The following C1QTNF3 variants were observed in gnomAD, a reference collection of about 807,000 sequenced individuals.
The protein encoded by C1QTNF3 is complement C1q tumor necrosis factor-related protein 3.
In C1QTNF3, 26 loss-of-function variants were observed where a neutral mutation model predicts 32.6. The ratio of observed to expected loss-of-function variants is 0.80; its 90% CI spans 0.58 to 1.11. The LOEUF (loss-of-function observed/expected upper bound fraction) is 1.11. C1QTNF3 is among the 50% of genes least tolerant of loss of function. The probability of loss-of-function intolerance (pLI) is 0.00; values close to 1 mark genes in which losing one functional copy is unlikely to be tolerated. For synonymous variants in C1QTNF3, 155 were observed against 146.0 expected (o/e 1.06, Z -0.44); for missense variants, 362 against 398.2 (o/e 0.91, Z 0.77).
chr5:34,081,019 C>A, the C1QTNF3 span, among the ~76,000 whole-genome samples: 1 of 151,672 alleles, frequency 6.6e-6, no homozygotes, highest in Non-Finnish European at 1.5e-5. Flanking sequence ...AGCACAGTTT[C>A]CCTGGGGTCA....
the C1QTNF3 span, among the ~76,000 whole-genome samples, chr5:34,231,240 T>C: frequency 5.9e-5 from 9 of 152,376 alleles, no homozygotes; most frequent in South Asian, 1.9e-3. Context: ...GTTCAGGTCA[T>C]CTTTTGTAAA....
At chr5:34,193,566 T>G in the C1QTNF3 span, 257 of 686,676 alleles carry the variant, frequency 3.7e-4, 1 homozygote, top group African/African-American at 2.8e-3. Context: ...GAATGTTTTG[T>G]GTTCGAAATT....
chr5:34,207,790 G>GTTT, the C1QTNF3 span, among the ~76,000 whole-genome samples: 4 of 142,320 alleles, frequency 2.8e-5, no homozygotes. Flanking sequence ...GCTTGAGAAA[G>GTTT]TTTTTTTTTT....
chr5:34,172,132 T>C, the C1QTNF3 span, among the ~76,000 whole-genome samples: 1 of 152,222 alleles, frequency 6.6e-6, no homozygotes, highest in African/African-American at 2.4e-5. Context: ...GAGGATACAT[T>C]CCAAGACCCC....
intron 1 of C1QTNF3, among the ~76,000 whole-genome samples, chr5:34,040,930 CTTTAT>C (rs1754856455): frequency 6.6e-6 from 1 of 152,106 alleles, no homozygotes; most frequent in African/African-American, 2.4e-5. Context: ...CATGTACTGA[CTTTAT>C]TTAACACATG....
Position 34,035,715 on chromosome 5 carries a change from C to CA in C1QTNF3, c.346dup (p.Cys116LeufsTer38). Reference sequence around the variant, plus strand: ...GCCTCGAAAGCTGTAGTCTCCATGACAACACTTACTGCAGTCTGGGGGTAG... The same window carrying CA: ...GCCTCGAAAGCTGTAGTCTCCATGACAAACACTTACTGCAGTCTGGGGGTAG... On this transcript the variant is annotated frameshift_variant, in exon 2 of 6. Coordinates refer to ENST00000382065, the MANE Select transcript of C1QTNF3 (RefSeq NM_181435.6). LOFTEE classifies it high-confidence loss of function. 6.2e-7 allele frequency: 1 copy of CA among 1,612,512 alleles called. No homozygotes were observed. Among genetic ancestry groups the CA allele is most frequent in the Non-Finnish European group, 8.5e-7 (1 of 1,179,610 alleles).
At chr5:34,076,297 A>G in the C1QTNF3 span, among the ~76,000 whole-genome samples, 2 of 151,690 alleles carry the variant, frequency 1.3e-5, no homozygotes, top group Admixed American at 6.6e-5. Flanking sequence ...TTTTACCACA[A>G]TTAATTTTTT....
chr5:34,039,699 A>C (rs1380007176), intron 1 of C1QTNF3, among the ~76,000 whole-genome samples: 5 of 152,228 alleles, frequency 3.3e-5, no homozygotes, highest in African/African-American at 1.2e-4. Flanking sequence ...CAGAGGATGA[A>C]ACAAGAGAAG....
At chr5:34,243,407 T>C in the C1QTNF3 span, among the ~76,000 whole-genome samples, 1 of 152,162 alleles carries the variant, frequency 6.6e-6, no homozygotes, top group African/African-American at 2.4e-5. Flanking sequence ...ATTTTGGAGA[T>C]TTCTCTAAGA....
chr5:34,213,701 T>G, the C1QTNF3 span, among the ~76,000 whole-genome samples: 1 of 143,692 alleles, frequency 7.0e-6, no homozygotes, highest in Non-Finnish European at 1.5e-5. Context: ...TGTGTATATA[T>G]ATATGTGTAT....
the C1QTNF3 span, among the ~76,000 whole-genome samples, chr5:34,115,665 A>G: frequency 6.6e-6 from 1 of 151,666 alleles, no homozygotes; most frequent in Non-Finnish European, 1.5e-5. Context: ...CGGGAGGCGA[A>G]GCTTGCAGTG....
the C1QTNF3 span, among the ~76,000 whole-genome samples, chr5:34,143,948 A>C: frequency 1.3e-5 from 2 of 152,188 alleles, no homozygotes; most frequent in African/African-American, 4.8e-5. Context: ...CCTTGAGTTT[A>C]AATGGATTAA....
At chr5:34,104,565 C>T in the C1QTNF3 span, among the ~76,000 whole-genome samples, 1 of 70,402 alleles carries the variant, frequency 1.4e-5, no homozygotes, top group Non-Finnish European at 2.8e-5. Context: ...GATGGAGTTT[C>T]GCTCTTGTTG....
the C1QTNF3 span, among the ~76,000 whole-genome samples, chr5:34,056,301 G>A: frequency 6.6e-6 from 1 of 151,110 alleles, no homozygotes; most frequent in Non-Finnish European, 1.5e-5. Context: ...CAGCACTTTT[G>A]TCTTTTTTCT....
At chr5:34,188,456 C>G in the C1QTNF3 span, among the ~76,000 whole-genome samples, 1 of 152,424 alleles carries the variant, frequency 6.6e-6, no homozygotes, top group African/African-American at 2.4e-5. Flanking sequence ...GGGGCCGTAC[C>G]CTGCAAAGCC....
At chr5:34,027,735 C>CAAA (rs34375086) in intron 4 of C1QTNF3, among the ~76,000 whole-genome samples, 205 of 81,032 alleles carry the variant, frequency 2.5e-3, no homozygotes, top group African/African-American at 9.5e-3. Flanking sequence ...CCACCACCAC[C>CAAA]AAAAAAAAAA....
the C1QTNF3 span, among the ~76,000 whole-genome samples, chr5:34,244,449 C>G: frequency 6.6e-5 from 10 of 152,308 alleles, no homozygotes; most frequent in Admixed American, 3.9e-4. Context: ...CTTCCCTTAT[C>G]TCACCCCACC....
the C1QTNF3 span, among the ~76,000 whole-genome samples, chr5:34,194,914 G>C: frequency 2.0e-5 from 3 of 147,868 alleles, no homozygotes; most frequent in South Asian, 6.5e-4. Context: ...GTACTATATT[G>C]TGTAAGGAAT....
the C1QTNF3 span, among the ~76,000 whole-genome samples, chr5:34,080,113 CT>C: frequency 5.3e-5 from 8 of 151,342 alleles, no homozygotes; most frequent in South Asian, 6.2e-4. Context: ...TAAAGCAGTT[CT>C]TTTTTTTAAA....
Sources: gnomAD v4.1 joint callset for allele counts (sites outside exome capture counted in the v4.1 genomes callset) on GRCh38, gnomAD v4.1.1 for gene constraint, MANE v1.5 for transcripts, NCBI Gene and HGNC (gene_info 2026-07-23, HGNC 2026-07-21) for gene names.